RBFOX1: variants seen among roughly 807,000 people sequenced by gnomAD.
RBFOX1 encodes the protein RNA binding protein fox-1 homolog 1.
Under a neutral mutation model 57.7 loss-of-function variants are expected in RBFOX1, and 8 were observed. The ratio of observed to expected loss-of-function variants is 0.14; its 90% confidence interval spans 0.08 to 0.25. The LOEUF (loss-of-function observed/expected upper bound fraction) is 0.25, where lower values mean the gene tolerates loss of function less well. Among genes scored for constraint, RBFOX1 ranks in the 10% least tolerant of loss-of-function variants. The probability of loss-of-function intolerance (pLI) is 1.00; values close to 1 mark genes in which losing one functional copy is unlikely to be tolerated. For missense variants in RBFOX1, 611 were observed against 548.5 expected, an observed-to-expected ratio of 1.11 and a Z score of -1.14; for synonymous variants, 326 against 222.4, an observed-to-expected ratio of 1.47 and a Z score of -4.15.
chr16:6,821,564 C>A (rs12924518), intron 3 of RBFOX1, among the ~76,000 whole-genome samples: 4 of 151,950 alleles, frequency 2.6e-5, no homozygotes, highest in Non-Finnish European at 5.9e-5. Flanking sequence ...CTCTCTCCCC[C>A]CAACCGCTGG....
chr16:5,452,116 CTTTTTT>C (rs148215801), intron 1 of RBFOX1, among the ~76,000 whole-genome samples: 4,600 of 108,516 alleles, frequency 0.042, 149 homozygotes, highest in African/African-American at 0.12. Flanking sequence ...CTCTCTCTCT[CTTTTTT>C]TTTTTTTTTT....
At chr16:5,707,568 C>A (rs2051299383) in intron 3 of RBFOX1, among the ~76,000 whole-genome samples, 1 of 152,140 alleles carries the variant, frequency 6.6e-6, no homozygotes, top group African/African-American at 2.4e-5. Context: ...ATCATGCCTT[C>A]CCCCAACACT....
intron 3 of RBFOX1, among the ~76,000 whole-genome samples, chr16:5,768,983 T>C (rs1277587101): frequency 2.0e-5 from 3 of 151,876 alleles, no homozygotes; most frequent in Non-Finnish European, 2.9e-5. Context: ...AGAAGTCAAA[T>C]GGGGCTGCCT....
chr16:6,008,370 C>T (rs1223218420), intron 4 of RBFOX1, among the ~76,000 whole-genome samples: 1 of 152,010 alleles, frequency 6.6e-6, no homozygotes, highest in African/African-American at 2.4e-5. Flanking sequence ...GAAATAGCAG[C>T]TGGGATCCAG....
chr16:6,413,417 G>A (rs1044251922), intron 2 of RBFOX1, among the ~76,000 whole-genome samples: 1 of 152,016 alleles, frequency 6.6e-6, no homozygotes, highest in Admixed American at 6.6e-5. Context: ...TCTCATCTTG[G>A]CTTCCCAAAG....
chr16:6,928,078 G>C (rs1465679183), intron 3 of RBFOX1, among the ~76,000 whole-genome samples: 1 of 152,142 alleles, frequency 6.6e-6, no homozygotes, highest in Admixed American at 6.5e-5. Context: ...ATGACTGGGA[G>C]CTGCTTCTTT....
chr16:6,503,800 C>A (rs527622888), intron 2 of RBFOX1, among the ~76,000 whole-genome samples: 2 of 152,124 alleles, frequency 1.3e-5, no homozygotes, highest in African/African-American at 4.8e-5. Flanking sequence ...TTCACACTCA[C>A]CTGGAAAAGG....
intron 2 of RBFOX1, among the ~76,000 whole-genome samples, chr16:6,524,953 C>T (rs746266294): frequency 6.6e-6 from 1 of 152,040 alleles, no homozygotes; most frequent in Non-Finnish European, 1.5e-5. Flanking sequence ...CGGCAAGGAC[C>T]CTATTTCCAA....
chr16:6,855,186 C>G (rs1221655437), intron 3 of RBFOX1, among the ~76,000 whole-genome samples: 1 of 152,002 alleles, frequency 6.6e-6, no homozygotes, highest in Non-Finnish European at 1.5e-5. Context: ...ATGATATCCC[C>G]AGTACCCAAT....
intron 2 of RBFOX1, among the ~76,000 whole-genome samples, chr16:6,489,228 A>T (rs185926073): frequency 3.3e-5 from 5 of 152,316 alleles, no homozygotes; most frequent in African/African-American, 1.2e-4. Flanking sequence ...ATGGAAGAGC[A>T]ATTCTAACAA....
chr16:5,860,792 C>G (rs2057193526), intron 3 of RBFOX1, among the ~76,000 whole-genome samples: 5 of 152,126 alleles, frequency 3.3e-5, no homozygotes, highest in Admixed American at 3.3e-4. Flanking sequence ...TGAAAAAAGC[C>G]AAGCTCCAGG....
intron 4 of RBFOX1, among the ~76,000 whole-genome samples, chr16:7,404,983 C>T (rs12598611): frequency 0.054 from 8,193 of 152,166 alleles, 327 homozygotes; most frequent in East Asian, 0.18. Flanking sequence ...GATTTTACTC[C>T]ACAGCAGGAA....
chr16:5,454,763 CTTTCT>C (rs1567534228), intron 1 of RBFOX1, among the ~76,000 whole-genome samples: 1,018 of 37,046 alleles, frequency 0.027, 39 homozygotes, highest in African/African-American at 0.1. Flanking sequence ...TCTTTTCTTT[CTTTCT>C]CTTTCTTTCT....
chr16:5,757,420 C>T (rs181375092), intron 3 of RBFOX1, among the ~76,000 whole-genome samples: 7 of 151,808 alleles, frequency 4.6e-5, no homozygotes, highest in Admixed American at 2.0e-4. Context: ...TTAGTAGAGA[C>T]GGGGTTTCAC....
chr16:6,084,131 C>G lies in RBFOX1; in HGVS notation c.-127+64139C>G, dbSNP rs867334102. Among the ~76,000 whole-genome samples the G allele has an allele frequency of 6.6e-5, 10 of 152,256 alleles. No homozygotes were observed. The East Asian group carries it at 1.9e-3, about 29-fold the overall frequency. ...CTGTAAATACGGCCAATAATAATACCTCCCTCTTAGGGCACTCTGAGCAGT... is the reference window on the plus strand; with the variant it reads ...CTGTAAATACGGCCAATAATAATACGTCCCTCTTAGGGCACTCTGAGCAGT... On this transcript the variant is annotated intron_variant, in intron 1 of 15. Coordinates refer to ENST00000550418, the MANE Select transcript of RBFOX1 (RefSeq NM_018723.4).
chr16:7,376,652 G>T (rs987356066), intron 4 of RBFOX1, among the ~76,000 whole-genome samples: 1 of 152,164 alleles, frequency 6.6e-6, no homozygotes, highest in African/African-American at 2.4e-5. Context: ...GTCATTTGAA[G>T]ATCATCGGTG....
rs538512550 is a variant in RBFOX1, at chr16:5,536,969, A to C, written c.259-61933A>C. 8.5e-5 allele frequency among the ~76,000 whole-genome samples: 13 copies of C among 152,154 alleles called. No homozygotes were observed. The South Asian group carries it at 2.7e-3, about 32-fold the overall frequency. ...TTCTTTGCACATAACTGCAGAACAC[A>C]CTCTGCTAAGCTTTCTATCACTGCA... is the stretch of plus-strand genomic sequence containing the variant. On this transcript the variant is annotated intron_variant, in intron 2 of 2. Transcript: ENST00000585867.
intron 4 of RBFOX1, among the ~76,000 whole-genome samples, chr16:7,111,749 T>C (rs1437147871): frequency 7.6e-6 from 1 of 131,726 alleles, no homozygotes; most frequent in Non-Finnish European, 1.5e-5. Context: ...CTGATTGTTA[T>C]TTTGTACTTT....
chr16:5,968,145 G>A (rs2059887491), intron 4 of RBFOX1, among the ~76,000 whole-genome samples: 1 of 152,064 alleles, frequency 6.6e-6, no homozygotes, highest in Non-Finnish European at 1.5e-5. Flanking sequence ...TGCAATCTTG[G>A]CTCACTGCAA....
Sources: gnomAD v4.1 joint callset for allele counts (sites outside exome capture counted in the v4.1 genomes callset) on GRCh38, gnomAD v4.1.1 for gene constraint, MANE v1.5 for transcripts, NCBI Gene and HGNC (gene_info 2026-07-23, HGNC 2026-07-21) for gene names.